KCNMA1: variants seen among roughly 807,000 people sequenced by gnomAD.
KCNMA1 encodes Calcium-activated potassium channel subunit alpha-1.
In KCNMA1, 29 loss-of-function variants were observed where a neutral mutation model predicts 140.0. That is an observed-to-expected ratio of 0.21 (90% CI 0.15 to 0.28). KCNMA1 has a LOEUF of 0.28. Ranked by LOEUF, KCNMA1 falls within the 10% of genes least tolerant of loss-of-function variation. The pLI, the probability that KCNMA1 is intolerant of heterozygous loss-of-function variation, is 1.00. For synonymous variants in KCNMA1, 612 were observed against 611.9 expected, an observed-to-expected ratio of 1.00 and a Z score of 0.00; for missense variants, 880 against 1,602.2, an observed-to-expected ratio of 0.55 and a Z score of 7.70.
intron 1 of KCNMA1, chr10:77,635,671 G>T (rs1338044929): frequency 6.6e-6 from 1 of 152,230 alleles, no homozygotes; most frequent in Non-Finnish European, 1.5e-5. Flanking sequence ...TCTGGAAGGT[G>T]GGAGGTTTGC....
At chr10:77,120,909 A>G in intron 6 of KCNMA1, 64 bp downstream of exon 6, 1 of 864,304 alleles carries the variant, frequency 1.2e-6, no homozygotes, top group Non-Finnish European at 2.0e-6. Context: ...AAGCAAGCAC[A>G]CCTGATATTT....
chr10:77,067,339 C>A (rs2095993603), intron 14 of KCNMA1, among the ~76,000 whole-genome samples: 1 of 152,164 alleles, frequency 6.6e-6, no homozygotes. Flanking sequence ...TAGACTTATA[C>A]CATTGACTTT....
chr10:77,091,393 A>G (rs904221981), intron 9 of KCNMA1: 1 of 152,222 alleles, frequency 6.6e-6, no homozygotes, highest in African/African-American at 2.4e-5. Flanking sequence ...AGTCCCTCCA[A>G]CCGCTCGGGG....
At chr10:76,943,025 C>T (rs76123481) in intron 23 of KCNMA1, among the ~76,000 whole-genome samples, 1 of 152,346 alleles carries the variant, frequency 6.6e-6, no homozygotes, top group African/African-American at 2.4e-5. Flanking sequence ...GTAACTCTAA[C>T]AGCCTCCCCC....
chr10:77,227,091 T>C (rs1395266463), intron 3 of KCNMA1, among the ~76,000 whole-genome samples: 1 of 152,180 alleles, frequency 6.6e-6, no homozygotes, highest in African/African-American at 2.4e-5. Flanking sequence ...TGTGGCATAG[T>C]AGATAATGAT....
At chr10:76,894,335 G>T (rs116663917) in intron 25 of KCNMA1, among the ~76,000 whole-genome samples, 1 of 152,030 alleles carries the variant, frequency 6.6e-6, no homozygotes, top group Non-Finnish European at 1.5e-5. Context: ...AACACAAAAG[G>T]GGTCAAAGAT....
At chr10:76,988,560 T>C (rs2081920901) in intron 19 of KCNMA1, among the ~76,000 whole-genome samples, 3 of 151,988 alleles carry the variant, frequency 2.0e-5, no homozygotes, top group Admixed American at 2.0e-4. Context: ...AAAAGATGAG[T>C]TGAGATCAAG....
chr10:77,121,073 T>A (rs1402934374), intron 5 of KCNMA1, 25 bp from the exon 6 acceptor site: 1 of 1,341,232 alleles, frequency 7.5e-7, no homozygotes. Context: ...GAAATAGAGA[T>A]GCATTATTTT....
At chr10:77,097,680 A>G (rs2096968855) in intron 9 of KCNMA1, among the ~76,000 whole-genome samples, 1 of 152,170 alleles carries the variant, frequency 6.6e-6, no homozygotes, top group Non-Finnish European at 1.5e-5. Flanking sequence ...AACCCTGACT[A>G]TCACCATTTC....
At chr10:77,486,773 C>A (rs1332011145) in intron 1 of KCNMA1, among the ~76,000 whole-genome samples, 2 of 152,206 alleles carry the variant, frequency 1.3e-5, no homozygotes, top group African/African-American at 2.4e-5. Flanking sequence ...TTTCTCCTGG[C>A]CCTGTGCATA....
At chr10:77,256,185 A>G (rs1255906055) in intron 2 of KCNMA1, among the ~76,000 whole-genome samples, 2 of 152,180 alleles carry the variant, frequency 1.3e-5, no homozygotes, top group Non-Finnish European at 2.9e-5. Flanking sequence ...TTGAGTTGGG[A>G]AAGCTGGCTC....
intron 1 of KCNMA1, among the ~76,000 whole-genome samples, chr10:77,577,061 G>C (rs1045222018): frequency 6.7e-6 from 1 of 150,012 alleles, no homozygotes; most frequent in African/African-American, 2.5e-5. Context: ...GGAGGTAACA[G>C]CAGTAACTGA....
intron 1 of KCNMA1, among the ~76,000 whole-genome samples, chr10:77,471,010 A>G (rs2098135992): frequency 6.6e-6 from 1 of 151,886 alleles, no homozygotes; most frequent in African/African-American, 2.4e-5. Flanking sequence ...ACCACACAAC[A>G]CACATGTAAC....
At chr10:77,028,425 C>T (rs185518817) in intron 15 of KCNMA1, among the ~76,000 whole-genome samples, 157 of 152,202 alleles carry the variant, frequency 1.0e-3, no homozygotes, top group African/African-American at 3.7e-3. Context: ...GCTGTCTCAC[C>T]TCATCTGCTT....
intron 15 of KCNMA1, among the ~76,000 whole-genome samples, chr10:77,032,733 CCTT>C (rs1234446341): frequency 2.0e-5 from 3 of 148,234 alleles, no homozygotes; most frequent in Admixed American, 6.7e-5. Context: ...GCCCAACCCC[CCTT>C]TTTTTTTTTT....
At position 76,910,005 on chromosome 10, in the gene KCNMA1, T is replaced by C. The variant is rs1272816379; in HGVS notation, c.3108A>G (p.Thr1036=). ...AGTCCAGGACACTGACGGCAAATGCTGTCCCACAGGCAAAGGGCTGCGTGA... is the reference window on the plus strand; with the variant it reads ...AGTCCAGGACACTGACGGCAAATGCCGTCCCACAGGCAAAGGGCTGCGTGA... ...LYLTQPFACG[T]AFAVSVLDSL... is the part of the protein sequence containing the mutation. Residue 1036 remains threonine (T), a synonymous_variant, in exon 25 of 28, where the codon ACA becomes ACG. Transcript: ENST00000286628. 3 of 1,614,014 alleles carry C rather than the reference T, an allele frequency of 1.9e-6. No homozygotes were observed. Among genetic ancestry groups the C allele is most frequent in the South Asian group, 1.1e-5 (1 of 91,074 alleles).
At chr10:76,891,834 G>T in intron 25 of KCNMA1, 115 bp from the exon 26 acceptor site, 1 of 821,766 alleles carries the variant, frequency 1.2e-6, no homozygotes, top group Non-Finnish European at 2.0e-6. Flanking sequence ...GTTCTGGCCT[G>T]TCTCTTCAAA....
chr10:77,337,936 A>G (rs1456380204), intron 2 of KCNMA1, among the ~76,000 whole-genome samples: 1 of 152,194 alleles, frequency 6.6e-6, no homozygotes, highest in Non-Finnish European at 1.5e-5. Context: ...TTGGGGGAAA[A>G]TGGCTCCAGA....
chr10:77,192,312 G>A (rs1184500084), intron 3 of KCNMA1, among the ~76,000 whole-genome samples: 1 of 152,118 alleles, frequency 6.6e-6, no homozygotes, highest in East Asian at 1.9e-4. Context: ...TTGTTATGAA[G>A]TTCTTTTAAA....
Sources: gnomAD v4.1 joint callset for allele counts (sites outside exome capture counted in the v4.1 genomes callset) on GRCh38, gnomAD v4.1.1 for gene constraint, MANE v1.5 for transcripts, NCBI Gene and HGNC (gene_info 2026-07-23, HGNC 2026-07-21) for gene names.